CYTH3: variants seen among roughly 807,000 people sequenced by gnomAD.
The protein encoded by CYTH3 is cytohesin 3.
CYTH3 carries 23 observed loss-of-function variants against 55.1 expected under a neutral mutation model. The ratio of observed to expected loss-of-function variants is 0.42; its 90% CI spans 0.30 to 0.59. The LOEUF (loss-of-function observed/expected upper bound fraction) is 0.59. CYTH3 is among the 20% of genes least tolerant of loss of function. CYTH3 has a pLI of 0.20. For synonymous variants in CYTH3, 249 were observed against 194.9 expected (o/e 1.28, Z -2.31); for missense variants, 413 against 524.8 (o/e 0.79, Z 2.08).
intron 1 of CYTH3, among the ~76,000 whole-genome samples, chr7:6,192,780 G>C (rs950778173): frequency 6.7e-6 from 1 of 149,410 alleles, no homozygotes; most frequent in East Asian, 2.0e-4. Context: ...TGATCCACCC[G>C]TCTTGGCCTC....
chr7:6,166,247 A>G (rs1783004592), intron 9 of CYTH3, among the ~76,000 whole-genome samples: 1 of 152,202 alleles, frequency 6.6e-6, no homozygotes, highest in Admixed American at 6.5e-5. Context: ...GAATCGTGAG[A>G]CTGAATTAAT....
At chr7:6,192,089 G>A (rs928686853) in intron 1 of CYTH3, among the ~76,000 whole-genome samples, 2 of 152,070 alleles carry the variant, frequency 1.3e-5, no homozygotes, top group South Asian at 2.1e-4. Context: ...CACAGAATCT[G>A]TGTCTCAAAA....
intron 1 of CYTH3, among the ~76,000 whole-genome samples, chr7:6,208,165 C>T (rs890264707): frequency 1.5e-4 from 23 of 152,178 alleles, no homozygotes; most frequent in African/African-American, 4.8e-4. Flanking sequence ...TTTTTGTACA[C>T]TACAAAGACG....
chr7:6,190,231 C>T (rs1783765929), intron 2 of CYTH3, among the ~76,000 whole-genome samples: 1 of 152,046 alleles, frequency 6.6e-6, no homozygotes, highest in African/African-American at 2.4e-5. Flanking sequence ...CGGGGTCTCA[C>T]TGCCTGTGTG....
intron 1 of CYTH3, 64 bp downstream of exon 1, chr7:6,272,410 G>GGGGGGGGGGGGCCCCCC: frequency 3.3e-6 from 4 of 1,216,614 alleles, no homozygotes; most frequent in Non-Finnish European, 4.2e-6. Flanking sequence ...CCGCGCCCTC[G>GGGGGGGGGGGGCCCCCC]ACCCCCAGCC....
chr7:6,207,135 C>T (rs1249063561), intron 1 of CYTH3, among the ~76,000 whole-genome samples: 11 of 140,984 alleles, frequency 7.8e-5, no homozygotes, highest in Non-Finnish European at 1.7e-4. Flanking sequence ...CACTCCGTCG[C>T]CCAGGCTGGA....
intron 1 of CYTH3, among the ~76,000 whole-genome samples, chr7:6,204,596 T>A (rs965854620): frequency 6.6e-6 from 1 of 152,146 alleles, no homozygotes; most frequent in African/African-American, 2.4e-5. Context: ...CTGATTCAGG[T>A]TCTGTGGACC....
Position 6,259,784 on chromosome 7 carries a change from A to AT in CYTH3, c.34+12689_34+12690insA, listed in dbSNP as rs1491413119. On this transcript the variant is annotated intron_variant, in intron 1 of 12. Transcript: ENST00000350796. ...ATATATATATATATTATATATATAT[A>AT]ATATATATATATATATATATATATA... Among the ~76,000 whole-genome samples, 111 of 20,922 alleles carry AT rather than the reference A, an allele frequency of 5.3e-3. 4 individuals carry two copies. The highest frequency in any genetic ancestry group is 6.2e-3 in the East Asian group (4 of 642). The allele number at this position is 20,922 out of a possible 152,430, so 13.7% of individuals were successfully genotyped here.
chr7:6,265,490 G>T (rs1023927483), intron 1 of CYTH3, among the ~76,000 whole-genome samples: 3 of 151,792 alleles, frequency 2.0e-5, no homozygotes, highest in African/African-American at 7.2e-5. Flanking sequence ...ATGGTGGCAC[G>T]CGCCTGTAGT....
intron 1 of CYTH3, among the ~76,000 whole-genome samples, chr7:6,255,984 C>A (rs574659135): frequency 3.3e-5 from 5 of 151,914 alleles, no homozygotes; most frequent in Non-Finnish European, 5.9e-5. Flanking sequence ...AGGATGGTCT[C>A]GATCTCCTGA....
At chr7:6,253,951 C>T (rs550564525) in intron 1 of CYTH3, among the ~76,000 whole-genome samples, 19 of 142,004 alleles carry the variant, frequency 1.3e-4, no homozygotes, top group African/African-American at 4.7e-4. Flanking sequence ...CAAGATCATG[C>T]CACTGCACTC....
chr7:6,259,773 T>TTATATATATA (rs1562417524), intron 1 of CYTH3, among the ~76,000 whole-genome samples: 19 of 22,296 alleles, frequency 8.5e-4, no homozygotes, highest in Non-Finnish European at 1.0e-3. Flanking sequence ...ATATATATAT[T>TTATATATATA]ATATATATAT....
intron 1 of CYTH3, among the ~76,000 whole-genome samples, chr7:6,259,758 T>TATATATATATATAATATATATA (rs1780244403): frequency 3.7e-5 from 1 of 27,322 alleles, no homozygotes; most frequent in African/African-American, 3.2e-4. Context: ...ATATATATAT[T>TATATATATATATAATATATATA]ATATATATAT....
chr7:6,230,929 T>C (rs1015564541), intron 1 of CYTH3, among the ~76,000 whole-genome samples: 1 of 152,216 alleles, frequency 6.6e-6, no homozygotes, highest in African/African-American at 2.4e-5. Flanking sequence ...AAAAAGTCAA[T>C]AAGGCCACTT....
At chr7:6,246,188 G>A (rs1485741835) in intron 1 of CYTH3, among the ~76,000 whole-genome samples, 6 of 150,756 alleles carry the variant, frequency 4.0e-5, no homozygotes, top group East Asian at 1.9e-4. Context: ...TCAAGTAATC[G>A]TCCTGCCTCA....
chr7:6,190,361 TACATTTTTGTGAGGC>T, intron 2 of CYTH3, 73 bp downstream of exon 2: 2 of 955,432 alleles, frequency 2.1e-6, no homozygotes, highest in Non-Finnish European at 2.9e-6. Flanking sequence ...TTTTTTTTTT[TACATTTTTGTGAGGC>T]TACTCTTTTA....
rs1046906242 is a variant in CYTH3 at position 6,164,648 on chromosome 7, A to T, written c.*296T>A. The T allele has an allele frequency of 6.7e-6, 3 of 450,570 alleles. No homozygotes were observed. The South Asian group carries it at 8.4e-5, about 13-fold the overall frequency. 27.9% of individuals were successfully genotyped at this position (450,570 alleles called of 1,614,324 possible). On this transcript the variant is annotated 3_prime_UTR_variant, in exon 13 of 13. Transcript: ENST00000350796. ...GGGCGCCGGGATGGTCGCAGGAAGG[A>T]AATGCTTCTGGACATGCGCAGCCGA...
At chr7:6,178,369 C>T (rs1783399947) in intron 4 of CYTH3, among the ~76,000 whole-genome samples, 1 of 152,240 alleles carries the variant, frequency 6.6e-6, no homozygotes, top group Admixed American at 6.5e-5. Flanking sequence ...GGTGCTGGTC[C>T]CCGCTCCCTG....
intron 1 of CYTH3, among the ~76,000 whole-genome samples, chr7:6,243,378 G>C (rs952591034): frequency 6.6e-6 from 1 of 152,200 alleles, no homozygotes. Flanking sequence ...AAAGCTAACC[G>C]AGCACATGCT....
Sources: allele counts gnomAD v4.1 joint callset (sites outside exome capture counted in the v4.1 genomes callset), GRCh38; gene constraint gnomAD v4.1.1; transcripts MANE v1.5; gene names NCBI Gene and HGNC (gene_info 2026-07-23, HGNC 2026-07-21).